KMT2C: variants seen among roughly 807,000 people sequenced by gnomAD.
KMT2C encodes the protein lysine methyltransferase 2C, also known as histone-lysine N-methyltransferase 2C.
Under a neutral mutation model 507.9 loss-of-function variants are expected in KMT2C, and 88 were observed. That is an observed-to-expected ratio of 0.17 (90% confidence interval 0.15 to 0.21). KMT2C has a LOEUF of 0.21. Among genes scored for constraint, KMT2C ranks in the 10% least tolerant of loss-of-function variants. KMT2C has a pLI of 1.00. For synonymous variants in KMT2C, 2,049 were observed against 2,080.8 expected (o/e 0.98, Z 0.42); for missense variants, 4,954 against 5,957.8 (o/e 0.83, Z 5.55).
intron 14 of KMT2C, among the ~76,000 whole-genome samples, chr7:152,245,779 G>A (rs1172114956): frequency 1.3e-5 from 2 of 152,012 alleles, no homozygotes; most frequent in Non-Finnish European, 1.5e-5. Flanking sequence ...CAGAACTTAA[G>A]GTAAATCTAC....
chr7:152,410,097 A>G (rs2097665287), intron 1 of KMT2C, among the ~76,000 whole-genome samples: 2 of 152,220 alleles, frequency 1.3e-5, no homozygotes, highest in Admixed American at 6.5e-5. Context: ...CCCTGTTTAC[A>G]AACCTAGTTC....
Position 152,177,104 on chromosome 7 carries a change from A to G in KMT2C, c.8349T>C (p.Asp2783=), listed in dbSNP as rs1166220153. Residue 2783 remains aspartate (D), a synonymous_variant, in exon 38 of 59, where the codon GAT becomes GAC. Coordinates refer to ENST00000262189, the MANE Select transcript of KMT2C (RefSeq NM_170606.3). ...FNEELDLPID[D]KLDNQCVSVE... is the part of the protein sequence containing the mutation. The stretch of plus-strand genomic sequence containing the variant: ...CAGATACACACTGATTATCTAACTT[A>G]TCATCAATTGGAAGGTCTAGTTCCT... 2.5e-6 allele frequency: 4 copies of G among 1,612,940 alleles called. No individual in the cohort carries two copies. Among genetic ancestry groups the G allele is most frequent in the Non-Finnish European group, 3.4e-6 (4 of 1,179,770 alleles).
At chr7:152,247,283 T>C (rs1441397006) in intron 14 of KMT2C, among the ~76,000 whole-genome samples, 5 of 152,194 alleles carry the variant, frequency 3.3e-5, no homozygotes, top group African/African-American at 9.6e-5. Flanking sequence ...AAGGGTAGAA[T>C]GTACATGATG....
At chr7:152,307,570 T>A (rs1043156211) in intron 6 of KMT2C, among the ~76,000 whole-genome samples, 2 of 152,174 alleles carry the variant, frequency 1.3e-5, no homozygotes, top group African/African-American at 2.4e-5. Context: ...AATCTGCATT[T>A]AACTTGCTTA....
intron 2 of KMT2C, among the ~76,000 whole-genome samples, chr7:152,347,424 G>C (rs908530529): frequency 2.0e-5 from 3 of 152,142 alleles, no homozygotes; most frequent in Non-Finnish European, 4.4e-5. Flanking sequence ...CATGAGAAGC[G>C]CCAGATCACT....
At chr7:152,191,731 C>T (rs185382391) in intron 31 of KMT2C, among the ~76,000 whole-genome samples, 48 of 152,310 alleles carry the variant, frequency 3.2e-4, no homozygotes, top group Non-Finnish European at 6.6e-4. Flanking sequence ...CACCAATGTC[C>T]ACTTCTAGTT....
At position 152,250,963 on chromosome 7, in the gene KMT2C, T is replaced by C. The variant is rs1160303825; in HGVS notation, c.1625A>G (p.Tyr542Cys). ...EVEIAELTTDYNNEMEVEGPE... is the reference protein window; with the variant it reads ...EVEIAELTTDCNNEMEVEGPE... The stretch of plus-strand genomic sequence containing the variant: ...GCCTTCAACTTCCATTTCATTGTTA[T>C]AATCTTAACAAAAAATTATTAATTC... The change falls in exon 12 of 59, where the codon TAT becomes TGT. Residue 542 changes from tyrosine to cysteine, a missense_variant. Tyr to Cys is a radical substitution (Grantham distance 194). Coordinates refer to ENST00000262189, the MANE Select transcript of KMT2C (RefSeq NM_170606.3). The C allele has an allele frequency of 3.3e-6, 5 of 1,526,204 alleles. No individual in the cohort carries two copies. The African/African-American group carries it at 5.5e-5, about 17-fold the overall frequency. 94.5% of individuals were successfully genotyped at this position (1,526,204 alleles called of 1,614,324 possible).
intron 1 of KMT2C, among the ~76,000 whole-genome samples, chr7:152,372,440 G>A (rs2097299537): frequency 6.6e-6 from 1 of 152,144 alleles, no homozygotes; most frequent in Non-Finnish European, 1.5e-5. Flanking sequence ...ACAAGCGTGA[G>A]CCACTGCACC....
chr7:152,394,418 C>G (rs1346458940), intron 1 of KMT2C, among the ~76,000 whole-genome samples: 2 of 152,312 alleles, frequency 1.3e-5, no homozygotes, highest in Non-Finnish European at 2.9e-5. Context: ...GTTCTATGAA[C>G]ATGCTAAGCA....
Position 152,182,282 on chromosome 7 carries a change from A to C in KMT2C, c.5578T>G (p.Ser1860Ala), listed in dbSNP as rs765218541. 1 of 1,613,990 alleles carries C rather than the reference A, an allele frequency of 6.2e-7. No homozygotes were observed. The highest frequency in any genetic ancestry group is 8.5e-7 in the Non-Finnish European group (1 of 1,180,010). The change falls in exon 36 of 59, where the codon TCC (serine) becomes GCC (alanine). Residue 1860 changes from serine to alanine, a missense_variant. Transcript: ENST00000262189. ...PQAPPPPPAP[S>A]RIPIQDSLSQ... ...AGACTATCCTGGATGGGAATCCGGG[A>C]TGGGGCTGGAGGAGGAGGTGGAGCT...
intron 2 of KMT2C, among the ~76,000 whole-genome samples, chr7:152,342,780 CT>C (rs915050269): frequency 6.6e-6 from 1 of 152,202 alleles, no homozygotes; most frequent in Non-Finnish European, 1.5e-5. Context: ...AAAATATCTT[CT>C]TGCTTTCAAC....
chr7:152,380,836 G>A (rs10262700), intron 1 of KMT2C, among the ~76,000 whole-genome samples: 7,380 of 151,620 alleles, frequency 0.049, 633 homozygotes, highest in African/African-American at 0.17. Flanking sequence ...GCGGGCAGGT[G>A]GACAGAAAAG....
intron 43 of KMT2C, among the ~76,000 whole-genome samples, chr7:152,160,107 C>T (rs960385795): frequency 2.6e-5 from 4 of 152,110 alleles, no homozygotes; most frequent in East Asian, 3.8e-4. Flanking sequence ...TTAAAATTCA[C>T]GGACAAATTT....
In KMT2C at chr7:152,358,674, G is replaced by C. The variant is rs2097171770; in HGVS notation, c.163C>G (p.Pro55Ala). ...ASPFQRARKK[P>A]RSRGKTAVED... ...ACTGCAGTTTTCCCCCTACTTCGAG[G>C]TCTACAGAAAAAAAAAAAAATAATA... Residue 55 changes from proline (P) to alanine (A), a missense_variant and splice_region_variant, in exon 2 of 59, where the codon CCT (proline) becomes GCT (alanine). Physicochemically the swap from Pro to Ala is conservative, Grantham distance 27 (BLOSUM62 -1). Around this residue, in one of 29 missense-constraint regions of KMT2C, gnomAD observed 233 missense variants for 263.6 expected, o/e 0.88. Coordinates refer to ENST00000262189, the MANE Select transcript of KMT2C (RefSeq NM_170606.3). 6.4e-7 allele frequency: 1 copy of C among 1,572,768 alleles called. No homozygotes were observed. The highest frequency in any genetic ancestry group is 8.7e-7 in the Non-Finnish European group (1 of 1,153,874).
At chr7:152,275,107 T>C (rs1231556063) in intron 6 of KMT2C, among the ~76,000 whole-genome samples, 1 of 152,256 alleles carries the variant, frequency 6.6e-6, no homozygotes. Flanking sequence ...GTTAAAATTA[T>C]AATTGTTTTC....
At chr7:152,432,506 G>A (rs2097872202) in intron 1 of KMT2C, among the ~76,000 whole-genome samples, 1 of 152,106 alleles carries the variant, frequency 6.6e-6, no homozygotes, top group African/African-American at 2.4e-5. Flanking sequence ...TTACAGTTAA[G>A]GAAAACTTTC....
chr7:152,209,109 A>C lies in KMT2C; in HGVS notation c.3713-1681T>G, dbSNP rs2094387772. 2.7e-5 allele frequency among the ~76,000 whole-genome samples: 4 copies of C among 148,590 alleles called. No individual in the cohort carries two copies. The Admixed American group carries it at 2.7e-4, about 10-fold the overall frequency. ...GGGAGGCGGAGGTTTCAGTGAGCCG[A>C]GATTGTGCCATTGCACTCCAGCCTG... On this transcript the variant is annotated intron_variant, in intron 23 of 58. Transcript: ENST00000262189.
Position 152,152,729 on chromosome 7 carries a change from C to T in KMT2C, c.12502G>A (p.Val4168Ile), listed in dbSNP as rs2129097452. 3.1e-6 allele frequency: 5 copies of T among 1,614,170 alleles called. No individual in the cohort carries two copies. Among genetic ancestry groups the T allele is most frequent in the Non-Finnish European group, 4.2e-6 (5 of 1,180,034 alleles). Residue 4168 changes from valine to isoleucine, a missense_variant, in exon 49 of 59, where the codon GTA (valine) becomes ATA (isoleucine). Coordinates refer to ENST00000262189, the MANE Select transcript of KMT2C (RefSeq NM_170606.3). ...VSSYRLKQPN[V>I]PFPPTSNGLS... ...CCATTGCTTGTTGGAGGAAATGGTA[C>T]ATTAGGCTGCTTCAGCCGGTAAGAG...
chr7:152,149,504 C>T (rs2091433932), intron 51 of KMT2C, among the ~76,000 whole-genome samples: 1 of 152,220 alleles, frequency 6.6e-6, no homozygotes. Context: ...ACAATGCTGT[C>T]AGAAGAGCTA....
Sources: allele counts gnomAD v4.1 joint callset (sites outside exome capture counted in the v4.1 genomes callset), GRCh38; gene constraint gnomAD v4.1.1; regional missense constraint gnomAD v4.1.1; transcripts MANE v1.5; gene names NCBI Gene and HGNC (gene_info 2026-07-23, HGNC 2026-07-21).